Variants in MANBA observed in about 807,000 individuals in gnomAD.
The protein encoded by MANBA is mannosidase beta.
Under a neutral mutation model 111.1 loss-of-function variants are expected in MANBA, and 83 were observed. That is an observed-to-expected ratio of 0.75 (90% CI 0.63 to 0.90). MANBA has a LOEUF of 0.90. Among genes scored for constraint, MANBA ranks in the 40% least tolerant of loss-of-function variants. The pLI is 0.00. For synonymous variants in MANBA, 370 were observed against 378.7 expected, an observed-to-expected ratio of 0.98 and a Z score of 0.27; for missense variants, 1,036 against 1,069.0, an observed-to-expected ratio of 0.97 and a Z score of 0.43.
intron 7 of MANBA, among the ~76,000 whole-genome samples, chr4:102,675,613 A>G (rs995310451): frequency 1.3e-5 from 2 of 152,232 alleles, no homozygotes; most frequent in Non-Finnish European, 2.9e-5. Context: ...TTTCACAGCA[A>G]TATTTTTAAG....
intron 1 of MANBA, chr4:102,727,360 C>T: frequency 1.3e-6 from 1 of 749,228 alleles, no homozygotes; most frequent in Non-Finnish European, 2.4e-6. Flanking sequence ...TCCCATTCTG[C>T]CTTGGACATC....
intron 14 of MANBA, among the ~76,000 whole-genome samples, chr4:102,637,600 C>T (rs1483497302): frequency 3.9e-5 from 6 of 152,194 alleles, no homozygotes; most frequent in African/African-American, 1.2e-4. Flanking sequence ...GTTCAAAGAA[C>T]TTCCACATAG....
intron 7 of MANBA, among the ~76,000 whole-genome samples, chr4:102,674,842 C>T (rs1457690443): frequency 6.6e-6 from 1 of 152,144 alleles, no homozygotes; most frequent in African/African-American, 2.4e-5. Flanking sequence ...AGATTTTATA[C>T]CAATAAAGCC....
intron 1 of MANBA, chr4:102,734,384 T>C (rs1723133808): frequency 5.0e-6 from 8 of 1,610,362 alleles, no homozygotes; most frequent in Non-Finnish European, 6.8e-6. Context: ...ACTTCTCACC[T>C]CTGGAGGTGC....
chr4:102,676,692 ACTT>A (rs144679314), intron 7 of MANBA, among the ~76,000 whole-genome samples: 8,031 of 152,228 alleles, frequency 0.053, 655 homozygotes, highest in African/African-American at 0.18. Flanking sequence ...TCATCAAAAA[ACTT>A]CTTTTCTGTG....
At chr4:102,706,444 T>A (rs1015840114) in intron 5 of MANBA, among the ~76,000 whole-genome samples, 1 of 152,094 alleles carries the variant, frequency 6.6e-6, no homozygotes, top group African/African-American at 2.4e-5. Context: ...CACAGATACA[T>A]CTTCAGGAAA....
At chr4:102,742,764 T>C (rs968845447) in intron 1 of MANBA, among the ~76,000 whole-genome samples, 1 of 152,118 alleles carries the variant, frequency 6.6e-6, no homozygotes, top group Non-Finnish European at 1.5e-5. Context: ...ATATCCAGAG[T>C]AAGTGTCCAT....
In MANBA at chr4:102,690,006, T is replaced by A. The variant is rs75083649; in HGVS notation, c.850-322A>T. 7.2e-5 allele frequency among the ~76,000 whole-genome samples: 11 copies of A among 152,336 alleles called. No homozygotes were observed. In the East Asian group the frequency reaches 2.1e-3, roughly 29 times the overall value. The stretch of plus-strand genomic sequence containing the variant: ...ATTCTTAACACTTAAAATGGGACTC[T>A]GAAGTTGACTCTTCTTTCAAGCCAA... On this transcript the variant is annotated intron_variant, in intron 6 of 16. Coordinates refer to ENST00000647097, the MANE Select transcript of MANBA (RefSeq NM_005908.4).
chr4:102,680,682 T>G (rs942355459), intron 7 of MANBA, among the ~76,000 whole-genome samples: 1 of 152,194 alleles, frequency 6.6e-6, no homozygotes, highest in African/African-American at 2.4e-5. Flanking sequence ...AATTTTGGAT[T>G]AATTTCTTTG....
intron 1 of MANBA, chr4:102,734,371 T>C: frequency 6.2e-7 from 1 of 1,609,828 alleles, no homozygotes; most frequent in African/African-American, 1.3e-5. Context: ...GCCTCTGACC[T>C]AGACTTCTCA....
At chr4:102,741,682 C>T (rs576921530) in intron 1 of MANBA, among the ~76,000 whole-genome samples, 1 of 152,270 alleles carries the variant, frequency 6.6e-6, no homozygotes, top group East Asian at 1.9e-4. Context: ...AATGGAAAGC[C>T]AAGCATTGTA....
rs189679549 is a variant in MANBA at position 102,694,577 on chromosome 4, T to C, written c.674-3806A>G. On this transcript the variant is annotated intron_variant, in intron 5 of 16. Transcript: ENST00000647097. ...GTCACCATGTCTTGAAGAACACTTA[T>C]CATCACCAGCTCTCCTGAAGTAAAA... Among the ~76,000 whole-genome samples the C allele has an allele frequency of 3.9e-5, 6 of 152,216 alleles. No homozygotes were observed. In the East Asian group the frequency reaches 7.7e-4, roughly 20 times the overall value.
At position 102,722,591 on chromosome 4, in the gene MANBA, A is replaced by G. The variant is rs897178358; in HGVS notation, c.549+280T>C. On this transcript the variant is annotated intron_variant, in intron 4 of 16. Transcript: ENST00000647097. Reference sequence around the variant, plus strand: ...TGATAAACTTAAATGTTAAAAAAATAATTTGTAAAGTTCCATTATCAGCCA... The same window carrying G: ...TGATAAACTTAAATGTTAAAAAAATGATTTGTAAAGTTCCATTATCAGCCA... 3 of 396,986 alleles carry G rather than the reference A, an allele frequency of 7.6e-6. No homozygotes were observed. The Admixed American group carries it at 1.1e-4, about 15-fold the overall frequency. The allele number at this position is 396,986 out of a possible 1,614,324, so 24.6% of individuals were successfully genotyped here. A position where few individuals can be genotyped will look rare whatever the true frequency, so the allele number is the denominator to read the frequency against.
chr4:102,714,539 T>A lies in MANBA; in HGVS notation c.572A>T (p.Asp191Val), dbSNP rs1251414533. 2 of 1,608,642 alleles carry A rather than the reference T, an allele frequency of 1.2e-6. No homozygotes were observed. The highest frequency in any genetic ancestry group is 2.7e-5 in the African/African-American group (2 of 74,746). ...VRKEQCSFSW[D>V]WGPSFPTQGI... is the part of the protein sequence containing the mutation. ...CTGGGTAGGAAAGGAAGGCCCCCAG[T>A]CCCAACTAAAGGAACATTGCTCCTG... is the stretch of plus-strand genomic sequence containing the variant. The change falls in exon 5 of 17, where the codon GAC (aspartate) becomes GTC (valine). Residue 191 changes from aspartate to valine, a missense_variant. By Grantham distance (152) the Asp-to-Val change is radical. Transcript: ENST00000647097.
In MANBA at chr4:102,689,762, C is replaced by A. The variant is rs1578905157; in HGVS notation, c.850-78G>T. 4.8e-6 allele frequency: 4 copies of A among 835,368 alleles called. No homozygotes were observed. The East Asian group carries it at 1.0e-4, about 21-fold the overall frequency. 51.7% of individuals were successfully genotyped at this position (835,368 alleles called of 1,614,324 possible). On this transcript the variant is annotated intron_variant, in intron 6 of 16. Transcript: ENST00000647097. ...GGCTCAAAGCATTACATCAATTTCT[C>A]AAATAGTCAAGTACAAAACTCTAGG...
Position 102,731,011 on chromosome 4 carries a change from A to G in MANBA, c.178-4328T>C, listed in dbSNP as rs117481582. Among the ~76,000 whole-genome samples, 220 of 152,176 alleles carry G rather than the reference A, an allele frequency of 1.4e-3. 2 individuals carry two copies. In the East Asian group the frequency reaches 0.032, roughly 22 times the overall value. On this transcript the variant is annotated intron_variant, in intron 1 of 16. Transcript: ENST00000647097. ...TTAAAAAAATATGTACAAGTAGCCA[A>G]TTGGGTCAGCTCAAACTGTGCAGTC...
intron 4 of MANBA, among the ~76,000 whole-genome samples, chr4:102,715,834 T>G (rs1484421247): frequency 2.0e-5 from 3 of 152,194 alleles, no homozygotes; most frequent in Non-Finnish European, 2.9e-5. Flanking sequence ...ACAGATAAAT[T>G]TGGCAGAAAT....
intron 1 of MANBA, chr4:102,727,616 T>A (rs1483936051): frequency 1.4e-5 from 22 of 1,565,372 alleles, no homozygotes; most frequent in Non-Finnish European, 1.9e-5. Context: ...GACAGGCCAG[T>A]GCCCATGTTG....
At chr4:102,662,748 C>A in intron 11 of MANBA, 1 of 155,142 alleles carries the variant, frequency 6.4e-6, no homozygotes, top group South Asian at 1.8e-4. Context: ...GCATCTGGTT[C>A]AAAAAGGAAT....
Sources: allele counts gnomAD v4.1 joint callset (sites outside exome capture counted in the v4.1 genomes callset), GRCh38; gene constraint gnomAD v4.1.1; transcripts MANE v1.5; gene names NCBI Gene and HGNC (gene_info 2026-07-23, HGNC 2026-07-21).